MYO10: variants seen among roughly 807,000 people sequenced by gnomAD.
The protein encoded by MYO10 is myosin X.
MYO10 carries 133 observed loss-of-function variants against 257.3 expected under a neutral mutation model. The observed-to-expected ratio is 0.52, with a 90% CI of 0.45 to 0.60. The LOEUF is 0.60. MYO10 is among the 20% of genes least tolerant of loss of function. The pLI is 0.00. For missense variants in MYO10, 2,399 were observed against 2,635.7 expected, an observed-to-expected ratio of 0.91 and a Z score of 1.97; for synonymous variants, 1,104 against 1,028.6, an observed-to-expected ratio of 1.07 and a Z score of -1.40.
chr5:16,862,065 G>C (rs929449213), intron 2 of MYO10, among the ~76,000 whole-genome samples: 4 of 152,110 alleles, frequency 2.6e-5, no homozygotes, highest in Non-Finnish European at 2.9e-5. Flanking sequence ...ACCCTGATAA[G>C]GCCCTCATCC....
At chr5:16,775,259 G>A (rs753366959) in intron 9 of MYO10, among the ~76,000 whole-genome samples, 2 of 152,114 alleles carry the variant, frequency 1.3e-5, no homozygotes, top group Non-Finnish European at 2.9e-5. Flanking sequence ...GAAAAACCAA[G>A]ACGCTCCTAA....
In MYO10 at chr5:16,681,918, C is replaced by T; in HGVS notation, c.4142G>A (p.Arg1381Lys). 1.2e-6 allele frequency: 2 copies of T among 1,613,998 alleles called. No homozygotes were observed. The highest frequency in any genetic ancestry group is 1.7e-6 in the Non-Finnish European group (2 of 1,179,894). Reference protein sequence around the residue: ...EMHHWITLLQRSKGDTRVEGQ... With the variant: ...EMHHWITLLQKSKGDTRVEGQ... ...CTCCACTCTGGTGTCCCCTTTGGAC[C>T]TCTGCAGCAGGGTTATCCAGTGGTG... Residue 1381 changes from arginine to lysine, a missense_variant, in exon 31 of 41, where the codon AGG (arginine) becomes AAG (lysine). By Grantham distance (26) the Arg-to-Lys change is conservative (BLOSUM62 2). Coordinates refer to ENST00000513610, the MANE Select transcript of MYO10 (RefSeq NM_012334.3).
At position 16,702,588 on chromosome 5, in the gene MYO10, T is replaced by C; in HGVS notation, c.2511A>G (p.Arg837=). The change falls in exon 24 of 41, where the codon AGA becomes AGG. Residue 837 remains arginine, a splice_region_variant and synonymous_variant. Transcript: ENST00000513610. ...EEKKKREEEE[R]ERERERREAE... is the part of the protein sequence containing the mutation. ...CTTCTCTTCGCTCTCTCTCTCTTTC[T>C]CTAAAAATAGTAAAGGAAAAGTGAA... is the stretch of plus-strand genomic sequence containing the variant. 1 of 1,578,660 alleles carries C rather than the reference T, an allele frequency of 6.3e-7. No individual in the cohort carries two copies. The highest frequency in any genetic ancestry group is 2.3e-5 in the East Asian group (1 of 43,520).
intron 1 of MYO10, among the ~76,000 whole-genome samples, chr5:16,894,866 G>A (rs1745175227): frequency 6.6e-6 from 1 of 152,144 alleles, no homozygotes; most frequent in Non-Finnish European, 1.5e-5. Context: ...ATGTTGAAAG[G>A]TCCAATTTTC....
rs199600037 is a variant in MYO10 at position 16,792,590 on chromosome 5, C to T, written c.467+2056G>A. ...AGTCCCTCCCCACAGGAGCGGGGGG[C>T]GGGGGGCTGCTCTAAGTGCTCTGGG... On this transcript the variant is annotated intron_variant, in intron 4 of 40. Transcript: ENST00000513610. Among the ~76,000 whole-genome samples the T allele has an allele frequency of 5.4e-4, 62 of 114,686 alleles. 1 individual carries two copies. The highest frequency in any genetic ancestry group is 2.7e-3 in the African/African-American group (58 of 21,370). 75.2% of individuals were successfully genotyped at this position (114,686 alleles called of 152,430 possible).
intron 1 of MYO10, among the ~76,000 whole-genome samples, chr5:16,911,503 G>C (rs375176801): frequency 6.6e-6 from 1 of 151,936 alleles, no homozygotes; most frequent in Admixed American, 6.6e-5. Flanking sequence ...AGGCTGAGGC[G>C]GGGGGATCCC....
chr5:16,717,962 G>A (rs1029592096), intron 19 of MYO10, among the ~76,000 whole-genome samples: 1 of 152,184 alleles, frequency 6.6e-6, no homozygotes, highest in Admixed American at 6.5e-5. Flanking sequence ...GGAGAGGCAC[G>A]AGCGGGAACC....
chr5:16,923,533 C>T (rs992469181), intron 1 of MYO10, among the ~76,000 whole-genome samples: 10 of 151,422 alleles, frequency 6.6e-5, no homozygotes, highest in Admixed American at 3.3e-4. Flanking sequence ...GTGATCCACC[C>T]GTCTCGGCCT....
In MYO10 at chr5:16,710,741, T is replaced by A. The variant is rs560182783; in HGVS notation, c.2169+167A>T. On this transcript the variant is annotated intron_variant, in intron 21 of 40. Coordinates refer to ENST00000513610, the MANE Select transcript of MYO10 (RefSeq NM_012334.3). ...GTCAAGGACTTCACTTCAAATAAAA[T>A]AGTAACTGTTTGGGAGACAAAAGGT... is the stretch of plus-strand genomic sequence containing the variant. 13 of 617,806 alleles carry A rather than the reference T, an allele frequency of 2.1e-5. No homozygotes were observed. In the East Asian group the frequency reaches 3.6e-4, roughly 17 times the overall value. The allele number at this position is 617,806 out of a possible 1,614,324, so 38.3% of individuals were successfully genotyped here.
chr5:16,730,906 C>T (rs1009409804), intron 19 of MYO10, among the ~76,000 whole-genome samples: 4 of 152,082 alleles, frequency 2.6e-5, no homozygotes, highest in African/African-American at 9.7e-5. Flanking sequence ...TGATGAATTA[C>T]AAGGTGAGGT....
At chr5:16,825,597 G>A (rs1253855038) in intron 2 of MYO10, among the ~76,000 whole-genome samples, 2 of 152,124 alleles carry the variant, frequency 1.3e-5, no homozygotes. Context: ...CAGGAACCCA[G>A]CCCATCTTGT....
chr5:16,879,630 C>T (rs1442370654), intron 1 of MYO10, among the ~76,000 whole-genome samples: 2 of 152,202 alleles, frequency 1.3e-5, no homozygotes, highest in Admixed American at 6.5e-5. Context: ...CTCCAAATTC[C>T]TAACCCCATG....
At chr5:16,835,080 G>A (rs1743270466) in intron 2 of MYO10, among the ~76,000 whole-genome samples, 1 of 152,138 alleles carries the variant, frequency 6.6e-6, no homozygotes, top group Non-Finnish European at 1.5e-5. Context: ...GAGAGGCTGA[G>A]GCAAGAGAAT....
chr5:16,814,177 C>A (rs1742527652), intron 3 of MYO10, among the ~76,000 whole-genome samples: 2 of 152,208 alleles, frequency 1.3e-5, no homozygotes, highest in South Asian at 2.1e-4. Flanking sequence ...GAGTCTCGCT[C>A]TGTCACCCAG....
rs77889486 is a variant in MYO10, at chr5:16,666,907, C to T, written c.6076-114G>A. The stretch of plus-strand genomic sequence containing the variant: ...CCCTCCCGTAGCCTTCCATGCTAAT[C>T]GACGGATCCCATTTTGCAGGAAGCC... On this transcript the variant is annotated intron_variant, in intron 40 of 40. Transcript: ENST00000513610. 5.4e-3 allele frequency: 3,989 copies of T among 745,102 alleles called. 94 individuals are homozygous for T. Among genetic ancestry groups the T allele is most frequent in the African/African-American group, 0.052 (2,951 of 56,330 alleles). The allele number at this position is 745,102 out of a possible 1,614,324, so 46.2% of individuals were successfully genotyped here.
At position 16,665,207 on chromosome 5, in the gene MYO10, G is replaced by GAAAAAAA. The variant is rs200285816; in HGVS notation, c.*1478_*1484dup. ...AACAGAGTGAGACTCTGTCTCTAAA[G>GAAAAAAA]AAAAAAAAAAAAAACCACCAAAAAG... On this transcript the variant is annotated 3_prime_UTR_variant, in exon 41 of 41. Coordinates refer to ENST00000513610, the MANE Select transcript of MYO10 (RefSeq NM_012334.3). 2.3e-5 allele frequency: 3 copies of GAAAAAAA among 128,230 alleles called. No individual in the cohort carries two copies. The South Asian group carries it at 7.0e-4, about 30-fold the overall frequency. 7.9% of individuals were successfully genotyped at this position (128,230 alleles called of 1,614,324 possible).
At position 16,781,843 on chromosome 5, in the gene MYO10, G is replaced by A. The variant is rs1199978345; in HGVS notation, c.603-14C>T. 1 of 1,613,686 alleles carries A rather than the reference G, an allele frequency of 6.2e-7. No homozygotes were observed. Among genetic ancestry groups the A allele is most frequent in the Admixed American group, 1.7e-5 (1 of 59,978 alleles). On this transcript the variant is annotated splice_polypyrimidine_tract_variant and intron_variant, in intron 5 of 40. Coordinates refer to ENST00000513610, the MANE Select transcript of MYO10 (RefSeq NM_012334.3). ...TCCATGATGGGGCTGTGAAGACAGT[G>A]AGGGCAGCAGACAGCATTAATAAGG... is the stretch of plus-strand genomic sequence containing the variant.
At chr5:16,862,043 T>C (rs1026633638) in intron 2 of MYO10, among the ~76,000 whole-genome samples, 5 of 152,030 alleles carry the variant, frequency 3.3e-5, no homozygotes, top group South Asian at 2.1e-4. Flanking sequence ...CCTTTACCCA[T>C]CCGAAATGCC....
intron 27 of MYO10, among the ~76,000 whole-genome samples, chr5:16,692,047 G>C (rs1437050497): frequency 2.0e-5 from 3 of 152,160 alleles, no homozygotes. Flanking sequence ...ACAACATCTA[G>C]ACCTCATTTG....
Sources: gnomAD v4.1 joint callset for allele counts (sites outside exome capture counted in the v4.1 genomes callset) on GRCh38, gnomAD v4.1.1 for gene constraint, MANE v1.5 for transcripts, NCBI Gene and HGNC (gene_info 2026-07-23, HGNC 2026-07-21) for gene names.